CWH43: variants seen among roughly 807,000 people sequenced by gnomAD.
CWH43 encodes the protein PGAP2-interacting protein.
In CWH43, 91 loss-of-function variants were observed where a neutral mutation model predicts 85.7. The observed-to-expected ratio is 1.06, with a 90% CI of 0.90 to 1.26. The LOEUF (loss-of-function observed/expected upper bound fraction) is 1.26, where lower values mean the gene tolerates loss of function less well. CWH43 is among the 50% of genes most tolerant of loss of function. CWH43 has a pLI of 0.00. For synonymous variants in CWH43, 323 were observed against 293.6 expected, an observed-to-expected ratio of 1.10 and a Z score of -1.02; for missense variants, 869 against 839.2, an observed-to-expected ratio of 1.04 and a Z score of -0.44.
chr4:49,028,157 C>A (rs1420211683), intron 9 of CWH43, among the ~76,000 whole-genome samples: 1 of 152,056 alleles, frequency 6.6e-6, no homozygotes, highest in Non-Finnish European at 1.5e-5. Context: ...GATCCCTAGA[C>A]AATATTTTTT....
At chr4:49,046,959 C>T (rs1320780095) in intron 14 of CWH43, among the ~76,000 whole-genome samples, 1 of 152,128 alleles carries the variant, frequency 6.6e-6, no homozygotes, top group Non-Finnish European at 1.5e-5. Context: ...ATCTTGGGGA[C>T]AATGTGGGGA....
intron 13 of CWH43, among the ~76,000 whole-genome samples, chr4:49,040,771 G>T (rs928369920): frequency 7.2e-5 from 11 of 152,098 alleles, no homozygotes; most frequent in African/African-American, 1.2e-4. Context: ...GTCAATTTTG[G>T]CTTTTGTTGC....
At chr4:49,019,986 C>A (rs1177020109) in intron 9 of CWH43, among the ~76,000 whole-genome samples, 1 of 151,916 alleles carries the variant, frequency 6.6e-6, no homozygotes, top group Non-Finnish European at 1.5e-5. Context: ...GTACACTGCA[C>A]CCAATATGTA....
Position 49,050,722 on chromosome 4 carries a change from G to A in CWH43, c.1894G>A (p.Glu632Lys). The change falls in exon 15 of 16, where the codon GAA becomes AAA. Residue 632 changes from glutamate (E) to lysine (K), a missense_variant. By Grantham distance (56) the Glu-to-Lys change is moderately conservative. Coordinates refer to ENST00000226432, the MANE Select transcript of CWH43 (RefSeq NM_025087.3). ...GGGTTATGCAAGAATCTCCCATGCTGAACTGAGTGATTCAGAAATTCAGAT... is the reference window on the plus strand; with the variant it reads ...GGGTTATGCAAGAATCTCCCATGCTAAACTGAGTGATTCAGAAATTCAGAT... The part of the protein sequence containing the change: ...RLGYARISHA[E>K]LSDSEIQMAK... 6.2e-7 allele frequency: 1 copy of A among 1,613,164 alleles called. No individual in the cohort carries two copies. Among genetic ancestry groups the A allele is most frequent in the South Asian group, 1.1e-5 (1 of 91,010 alleles).
intron 8 of CWH43, among the ~76,000 whole-genome samples, chr4:49,012,134 T>A (rs1203616669): frequency 6.6e-6 from 1 of 152,220 alleles, no homozygotes; most frequent in Admixed American, 6.5e-5. Flanking sequence ...TTTGGTCTTT[T>A]CACATAGTTC....
At chr4:49,009,790 A>G (rs750779814) in intron 8 of CWH43, among the ~76,000 whole-genome samples, 5 of 151,954 alleles carry the variant, frequency 3.3e-5, no homozygotes, top group Non-Finnish European at 7.4e-5. Context: ...ATTGGCTTGC[A>G]TATGTTGAAC....
At chr4:49,019,333 A>G (rs1321178757) in intron 9 of CWH43, among the ~76,000 whole-genome samples, 2 of 152,052 alleles carry the variant, frequency 1.3e-5, no homozygotes, top group Non-Finnish European at 2.9e-5. Context: ...AGTTGAGAAA[A>G]AAGTTGTGAG....
intron 15 of CWH43, among the ~76,000 whole-genome samples, chr4:49,061,020 G>C (rs1167043769): frequency 6.6e-6 from 1 of 151,982 alleles, no homozygotes; most frequent in Non-Finnish European, 1.5e-5. Context: ...TTTAATCATT[G>C]CATAATATTT....
intron 6 of CWH43, among the ~76,000 whole-genome samples, chr4:49,001,385 G>A (rs1339135343): frequency 6.6e-6 from 1 of 151,936 alleles, no homozygotes; most frequent in East Asian, 1.9e-4. Flanking sequence ...CAGATTTGGG[G>A]GAGATTATTG....
chr4:49,032,747 A>T, intron 12 of CWH43, 32 bp downstream of exon 12: 1 of 1,607,584 alleles, frequency 6.2e-7, no homozygotes, highest in Non-Finnish European at 8.5e-7. Context: ...AATATTACAC[A>T]AATGCCAAGA....
intron 15 of CWH43, among the ~76,000 whole-genome samples, chr4:49,054,549 C>T (rs1457000775): frequency 6.6e-6 from 1 of 151,982 alleles, no homozygotes; most frequent in East Asian, 1.9e-4. Context: ...TGAAAAATGT[C>T]ATTGGAATTT....
At chr4:49,009,355 T>C (rs1005492435) in intron 8 of CWH43, among the ~76,000 whole-genome samples, 3 of 152,206 alleles carry the variant, frequency 2.0e-5, no homozygotes, top group African/African-American at 7.2e-5. Flanking sequence ...AAGTTGTTTA[T>C]CAGCTTAAGG....
Position 48,986,296 on chromosome 4 carries a change from C to G in CWH43, c.-134C>G. The stretch of plus-strand genomic sequence containing the variant: ...GGTCAGTTGGCTGGGGCTCACTTGG[C>G]AACGGGACGCGGGAACGAGGGGCGC... On this transcript the variant is annotated 5_prime_UTR_variant, in exon 1 of 16. Transcript: ENST00000226432. 1 of 861,278 alleles carries G rather than the reference C, an allele frequency of 1.2e-6. No individual in the cohort carries two copies. Among genetic ancestry groups the G allele is most frequent in the Non-Finnish European group, 1.7e-6 (1 of 574,798 alleles). The allele number at this position is 861,278 out of a possible 1,614,324, so 53.4% of individuals were successfully genotyped here.
chr4:48,998,587 T>G, intron 6 of CWH43, 39 bp downstream of exon 6: 1 of 1,448,402 alleles, frequency 6.9e-7, no homozygotes, highest in Non-Finnish European at 9.7e-7. Flanking sequence ...ACGACTGAGC[T>G]TGGTTATCCA....
chr4:49,012,790 T>C (rs1241828112), intron 8 of CWH43, among the ~76,000 whole-genome samples: 3 of 152,186 alleles, frequency 2.0e-5, no homozygotes, highest in Non-Finnish European at 4.4e-5. Flanking sequence ...TGCCTGGGTA[T>C]CACCAGTGGA....
chr4:49,053,578 G>A (rs781382870), intron 15 of CWH43, among the ~76,000 whole-genome samples: 12 of 152,048 alleles, frequency 7.9e-5, no homozygotes, highest in Admixed American at 2.0e-4. Flanking sequence ...TGGCCACTTG[G>A]ATGTCTTCTT....
chr4:49,052,600 A>C (rs1469741890), intron 15 of CWH43, among the ~76,000 whole-genome samples: 1 of 152,210 alleles, frequency 6.6e-6, no homozygotes, highest in Non-Finnish European at 1.5e-5. Context: ...GTTATTCTTC[A>C]CATAGCAGGA....
rs745640613 is a variant in CWH43, at chr4:49,017,837, A to AT, written c.1266+523dup. On this transcript the variant is annotated intron_variant, in intron 9 of 15. Transcript: ENST00000226432. ...GAGAGAGAGGGAGTAGGTGCTACAC[A>AT]TTTTTTTTTTTTTTATTTGATGGAG... 1.0e-3 allele frequency among the ~76,000 whole-genome samples: 146 copies of AT among 142,492 alleles called. 1 individual carries two copies. Among genetic ancestry groups the AT allele is most frequent in the South Asian group, 8.1e-3 (36 of 4,464 alleles). The allele number at this position is 142,492 out of a possible 152,430, so 93.5% of individuals were successfully genotyped here. A position where few individuals can be genotyped will look rare whatever the true frequency, so the allele number is the denominator to read the frequency against.
chr4:48,996,581 GA>G (rs1334364841), intron 5 of CWH43, among the ~76,000 whole-genome samples: 1 of 152,198 alleles, frequency 6.6e-6, no homozygotes. Context: ...AGAGAGGAAG[GA>G]AGAAGTTTAT....
Sources: allele counts gnomAD v4.1 joint callset (sites outside exome capture counted in the v4.1 genomes callset), GRCh38; gene constraint gnomAD v4.1.1; transcripts MANE v1.5; gene names NCBI Gene and HGNC (gene_info 2026-07-23, HGNC 2026-07-21).